DSE: variants seen among roughly 807,000 people sequenced by gnomAD.
DSE encodes dermatan sulfate epimerase.
DSE carries 36 observed loss-of-function variants against 84.4 expected under a neutral mutation model. The ratio of observed to expected loss-of-function variants is 0.43; its 90% CI spans 0.33 to 0.56. The LOEUF is 0.56. DSE is among the 20% of genes least tolerant of loss of function. The pLI is 0.06. For synonymous variants in DSE, 410 were observed against 430.1 expected (o/e 0.95, Z 0.58); for missense variants, 862 against 1,169.6 (o/e 0.74, Z 3.84).
intron 2 of DSE, among the ~76,000 whole-genome samples, chr6:116,268,975 C>T (rs1271485788): frequency 1.3e-5 from 2 of 150,646 alleles, no homozygotes; most frequent in Non-Finnish European, 2.9e-5. Context: ...AATATTTTCT[C>T]AGGCTAATTA....
Position 116,399,318 on chromosome 6 carries a change from A to C in DSE, c.68A>C (p.Tyr23Ser). 1 of 1,614,110 alleles carries C rather than the reference A, an allele frequency of 6.2e-7. No individual in the cohort carries two copies. Among genetic ancestry groups the C allele is most frequent in the East Asian group, 2.2e-5 (1 of 44,878 alleles). ...FIYLLCFVSA[Y>S]ITDENPEVMI... is the part of the protein sequence containing the mutation. ...TATTTGCTTTGCTTTGTGTCAGCCT[A>C]CATCACCGACGAGAACCCAGAAGTT... Residue 23 changes from tyrosine to serine, a missense_variant, in exon 2 of 6, where the codon TAC becomes TCC. Physicochemically the swap from Tyr to Ser is moderately radical, Grantham distance 144. Around this residue, in one of 4 missense-constraint regions of DSE, gnomAD observed 52 missense variants for 49.6 expected, o/e 1.05. Coordinates refer to ENST00000644252, the MANE Select transcript of DSE (RefSeq NM_013352.4).
At chr6:116,304,237 G>A (rs193283309) in intron 2 of DSE, among the ~76,000 whole-genome samples, 3 of 152,278 alleles carry the variant, frequency 2.0e-5, no homozygotes, top group East Asian at 1.9e-4. Flanking sequence ...GCTTCTTTGA[G>A]CGCCACTCAC....
At chr6:116,334,549 T>G (rs541302383) in intron 2 of DSE, among the ~76,000 whole-genome samples, 15 of 152,358 alleles carry the variant, frequency 9.8e-5, no homozygotes, top group Admixed American at 2.0e-4. Context: ...TTTATTTTTT[T>G]TGCCTTCATT....
chr6:116,431,829 A>G (rs1189174947), intron 4 of DSE, among the ~76,000 whole-genome samples: 1 of 152,198 alleles, frequency 6.6e-6, no homozygotes, highest in Non-Finnish European at 1.5e-5. Context: ...TTTCCAGAGA[A>G]CTTTGTAACC....
rs1318318834 is a variant in DSE at position 116,444,034 on chromosome 6, C to CG, written c.*6689_*6690insG. The CG allele has an allele frequency of 6.6e-6, 1 of 152,114 alleles. No homozygotes were observed. The highest frequency in any genetic ancestry group is 2.4e-5 in the African/African-American group (1 of 41,424). 9.4% of individuals were successfully genotyped at this position (152,114 alleles called of 1,614,324 possible). A position where few individuals can be genotyped will look rare whatever the true frequency, so the allele number is the denominator to read the frequency against. The stretch of plus-strand genomic sequence containing the variant: ...ATTGTCTCCTTGATAATCTTGATTT[C>CG]TAAACTCCTTTACTCCTCTCTTGAA... On this transcript the variant is annotated 3_prime_UTR_variant, in exon 6 of 6. Coordinates refer to ENST00000644252, the MANE Select transcript of DSE (RefSeq NM_013352.4).
At chr6:116,377,061 C>T (rs1583128062) in intron 1 of DSE, among the ~76,000 whole-genome samples, 1 of 152,178 alleles carries the variant, frequency 6.6e-6, no homozygotes, top group Non-Finnish European at 1.5e-5. Flanking sequence ...TATAAATTAG[C>T]ATTCATGCTC....
chr6:116,334,852 A>T (rs1777149337), intron 2 of DSE, among the ~76,000 whole-genome samples: 1 of 152,228 alleles, frequency 6.6e-6, no homozygotes, highest in South Asian at 2.1e-4. Context: ...ATACCATCTC[A>T]CACCAGTCAG....
intron 2 of DSE, among the ~76,000 whole-genome samples, chr6:116,346,965 A>T (rs1040151666): frequency 1.3e-5 from 2 of 152,200 alleles, no homozygotes; most frequent in African/African-American, 4.8e-5. Flanking sequence ...AAGCATTCCT[A>T]TACACCAATA....
chr6:116,388,811 G>T (rs1780719243), intron 1 of DSE, among the ~76,000 whole-genome samples: 1 of 152,030 alleles, frequency 6.6e-6, no homozygotes, highest in African/African-American at 2.4e-5. Context: ...TATAGACTTT[G>T]GTTGATGAAG....
rs111716994 is a variant in DSE, at chr6:116,350,033, A to T, written c.-53-49165A>T. Among the ~76,000 whole-genome samples, 832 of 152,280 alleles carry T rather than the reference A, an allele frequency of 5.5e-3. 10 individuals carry two copies. Among genetic ancestry groups the T allele is most frequent in the African/African-American group, 0.019 (781 of 41,552 alleles). ...TCATGTTTACATGCATAGTCTTTTTAAAAAAATACCTAAATGTACTACTCC... is the reference window on the plus strand; with the variant it reads ...TCATGTTTACATGCATAGTCTTTTTTAAAAAATACCTAAATGTACTACTCC... On this transcript the variant is annotated intron_variant, in intron 2 of 3. Coordinates refer to the DSE transcript ENST00000430252.
intron 2 of DSE, among the ~76,000 whole-genome samples, chr6:116,259,733 T>A (rs1204854): frequency 0.76 from 115,842 of 152,144 alleles, 45,461 homozygotes; most frequent in East Asian, 1. Flanking sequence ...ATAAGAGAAT[T>A]CGTGGTATTT....
At chr6:116,278,599 C>T (rs537676463) in intron 2 of DSE, 4 of 1,614,154 alleles carry the variant, frequency 2.5e-6, no homozygotes, top group Non-Finnish European at 3.4e-6. Context: ...GACTCCTTCA[C>T]GCAACAGGTA....
chr6:116,374,466 G>A (rs1779801007), intron 1 of DSE, among the ~76,000 whole-genome samples: 1 of 152,172 alleles, frequency 6.6e-6, no homozygotes. Flanking sequence ...TAGGGCACCT[G>A]AAGAGATTTA....
chr6:116,322,455 A>G lies in DSE; in HGVS notation c.-54+63488A>G, dbSNP rs140330208. 2.6e-4 allele frequency among the ~76,000 whole-genome samples: 39 copies of G among 152,266 alleles called. No homozygotes were observed. The East Asian group carries it at 5.2e-3, about 20-fold the overall frequency. ...GACCTGGATGTTCCCAAAGGTCTGT[A>G]GGCCTCAGCCAGCCTCCCAGAGGGA... On this transcript the variant is annotated intron_variant, in intron 2 of 3. Transcript: ENST00000430252.
At chr6:116,298,205 C>T (rs574404334) in intron 2 of DSE, among the ~76,000 whole-genome samples, 12 of 152,226 alleles carry the variant, frequency 7.9e-5, no homozygotes, top group Non-Finnish European at 1.8e-4. Context: ...ATGTGGTAGG[C>T]AGAATAATGC....
At chr6:116,279,608 C>A (rs936290245) in intron 2 of DSE, 1 of 1,602,460 alleles carries the variant, frequency 6.2e-7, no homozygotes. Context: ...CCACGGCCCG[C>A]GGCATCCTGG....
At chr6:116,435,403 A>T (rs973454736) in intron 5 of DSE, among the ~76,000 whole-genome samples, 184 bp from the exon 6 acceptor site, 1 of 152,222 alleles carries the variant, frequency 6.6e-6, no homozygotes, top group Non-Finnish European at 1.5e-5. Context: ...TTCCTCTTCC[A>T]GTCACCAAGG....
At chr6:116,398,410 A>G (rs1395792349) in intron 1 of DSE, among the ~76,000 whole-genome samples, 1 of 152,238 alleles carries the variant, frequency 6.6e-6, no homozygotes, top group Non-Finnish European at 1.5e-5. Context: ...CCAAAATCCC[A>G]TATGCCAAAT....
intron 2 of DSE, among the ~76,000 whole-genome samples, chr6:116,351,930 T>G (rs180886757): frequency 6.6e-6 from 1 of 152,320 alleles, no homozygotes; most frequent in African/African-American, 2.4e-5. Context: ...TTACATTTTA[T>G]CATGCACCTT....
Sources: gnomAD v4.1 joint callset for allele counts (sites outside exome capture counted in the v4.1 genomes callset) on GRCh38, gnomAD v4.1.1 for gene constraint, gnomAD v4.1.1 regional missense constraint, MANE v1.5 for transcripts, NCBI Gene and HGNC (gene_info 2026-07-23, HGNC 2026-07-21) for gene names.